The following SLC24A4 variants were observed in gnomAD, a reference collection of about 807,000 sequenced individuals.
The protein encoded by SLC24A4 is sodium/potassium/calcium exchanger 4.
Under a neutral mutation model 79.0 loss-of-function variants are expected in SLC24A4, and 53 were observed. The observed-to-expected ratio is 0.67, with a 90% CI of 0.54 to 0.84. The LOEUF (loss-of-function observed/expected upper bound fraction) is 0.84, where lower values mean the gene tolerates loss of function less well. Ranked by LOEUF, SLC24A4 falls within the 40% of genes least tolerant of loss-of-function variation. The probability of loss-of-function intolerance (pLI) is 0.00; values close to 1 mark genes in which losing one functional copy is unlikely to be tolerated. For missense variants in SLC24A4, 731 were observed against 822.0 expected (o/e 0.89, Z 1.35); for synonymous variants, 323 against 323.8 (o/e 1.00, Z 0.03).
intron 2 of SLC24A4, among the ~76,000 whole-genome samples, chr14:92,340,193 A>G (rs922122747): frequency 6.6e-6 from 1 of 152,236 alleles, no homozygotes; most frequent in Non-Finnish European, 1.5e-5. Flanking sequence ...CAAAGTATGC[A>G]CCCAGCAGGC....
At chr14:92,449,844 C>T (rs907078477) in intron 10 of SLC24A4, among the ~76,000 whole-genome samples, 1 of 152,210 alleles carries the variant, frequency 6.6e-6, no homozygotes, top group Non-Finnish European at 1.5e-5. Context: ...CCCCCTTGTC[C>T]GGGAACTGGG....
rs759753489 is a variant in SLC24A4 at position 92,449,109 on chromosome 14, A to C, written c.773A>C (p.Lys258Thr). Residue 258 changes from lysine (K) to threonine (T), a missense_variant, in exon 10 of 17, where the codon AAA becomes ACA. Coordinates refer to ENST00000532405, the MANE Select transcript of SLC24A4 (RefSeq NM_153646.4). Reference protein sequence around the residue: ...NVKMQAFFTVKQKSIANGNPV... With the variant: ...NVKMQAFFTVTQKSIANGNPV... ...AAGATGCAAGCCTTTTTCACAGTCAAACAAAAGAGCATTGCAAACGGTAAC... is the reference window on the plus strand; with the variant it reads ...AAGATGCAAGCCTTTTTCACAGTCACACAAAAGAGCATTGCAAACGGTAAC... 5.6e-6 allele frequency: 9 copies of C among 1,614,190 alleles called. No homozygotes were observed. The South Asian group carries it at 8.8e-5, about 16-fold the overall frequency.
chr14:92,370,068 T>C (rs1254960948), intron 2 of SLC24A4, among the ~76,000 whole-genome samples: 1 of 152,236 alleles, frequency 6.6e-6, no homozygotes, highest in African/African-American at 2.4e-5. Context: ...AGGGTATTCA[T>C]TGTATTCTTT....
At chr14:92,401,736 C>T (rs1311078399) in intron 2 of SLC24A4, among the ~76,000 whole-genome samples, 1 of 152,176 alleles carries the variant, frequency 6.6e-6, no homozygotes, top group Non-Finnish European at 1.5e-5. Flanking sequence ...ACATGAGTTG[C>T]TGCTGTTTCC....
intron 2 of SLC24A4, among the ~76,000 whole-genome samples, chr14:92,362,201 T>C (rs1338253360): frequency 2.9e-5 from 3 of 102,040 alleles, no homozygotes; most frequent in Admixed American, 1.2e-4. Context: ...CTTGCTGACC[T>C]CAGGGGCCTC....
At chr14:92,380,377 C>G (rs1260223688) in intron 2 of SLC24A4, among the ~76,000 whole-genome samples, 1 of 152,148 alleles carries the variant, frequency 6.6e-6, no homozygotes, top group Admixed American at 6.5e-5. Flanking sequence ...GGGGCTGGCA[C>G]GTGGCCGCAT....
At chr14:92,484,152 T>TC in intron 13 of SLC24A4, 1 of 984,914 alleles carries the variant, frequency 1.0e-6, no homozygotes, top group African/African-American at 1.7e-5. Flanking sequence ...GTCTCTTCCC[T>TC]CCCCCCAACC....
At chr14:92,395,388 A>G (rs1296896055) in intron 2 of SLC24A4, among the ~76,000 whole-genome samples, 1 of 151,576 alleles carries the variant, frequency 6.6e-6, no homozygotes, top group Non-Finnish European at 1.5e-5. Flanking sequence ...AGCCTTAAGG[A>G]GCCTCCTTAC....
chr14:92,343,653 TTTCCTTCCTTCCTTCC>T (rs34220155), intron 2 of SLC24A4, among the ~76,000 whole-genome samples: 73 of 34,244 alleles, frequency 2.1e-3, no homozygotes, highest in African/African-American at 4.8e-3. Flanking sequence ...TCTTTCCTTC[TTTCCTTCCTTCCTTCC>T]TTCCTTCCTT....
At chr14:92,445,652 A>G (rs1892758619) in intron 8 of SLC24A4, among the ~76,000 whole-genome samples, 1 of 152,318 alleles carries the variant, frequency 6.6e-6, no homozygotes, top group South Asian at 2.1e-4. Flanking sequence ...TAATGGGCCT[A>G]TTTCTGGAAT....
chr14:92,408,115 T>G (rs1305098864), intron 2 of SLC24A4, among the ~76,000 whole-genome samples: 1 of 149,046 alleles, frequency 6.7e-6, no homozygotes, highest in Non-Finnish European at 1.5e-5. Flanking sequence ...CTGAAAGTGC[T>G]GAATTGTCAT....
rs1895988426 is a variant in SLC24A4, at chr14:92,497,969, A to G, written c.*4341A>G. 1 of 152,226 alleles carries G rather than the reference A, an allele frequency of 6.6e-6. No homozygotes were observed. Among genetic ancestry groups the G allele is most frequent in the Non-Finnish European group, 1.5e-5 (1 of 68,058 alleles). 9.4% of individuals were successfully genotyped at this position (152,226 alleles called of 1,614,324 possible). ...ATTCATGGTCTCTCTAATGCCCTCA[A>G]GACGTGATTTCCATGGGAACCATCC... On this transcript the variant is annotated 3_prime_UTR_variant, in exon 17 of 17. Coordinates refer to ENST00000532405, the MANE Select transcript of SLC24A4 (RefSeq NM_153646.4).
chr14:92,342,477 G>A (rs1256524289), intron 2 of SLC24A4, among the ~76,000 whole-genome samples: 2 of 151,790 alleles, frequency 1.3e-5, no homozygotes, highest in African/African-American at 2.4e-5. Context: ...TCTGCCTCCC[G>A]GGTTCAAGTG....
At chr14:92,461,391 A>C (rs996374617) in intron 12 of SLC24A4, among the ~76,000 whole-genome samples, 1 of 152,192 alleles carries the variant, frequency 6.6e-6, no homozygotes, top group African/African-American at 2.4e-5. Context: ...GTCCTAACAG[A>C]ATGTCACCGA....
In SLC24A4 at chr14:92,493,598, C is replaced by A; in HGVS notation, c.1839C>A (p.Val613=). The change falls in exon 17 of 17, where the codon GTC becomes GTA. Residue 613 remains valine (V), a synonymous_variant. Transcript: ENST00000532405. Reference sequence around the variant, plus strand: ...TAGAGTTTAACGTCTTTACCTTCGTCAACTTGCCGATGTGCCGGGAAGACG... The same window carrying A: ...TAGAGTTTAACGTCTTTACCTTCGTAAACTTGCCGATGTGCCGGGAAGACG... The part of the protein sequence containing the change: ...IMIEFNVFTF[V]NLPMCREDD 6.2e-7 allele frequency: 1 copy of A among 1,614,216 alleles called. No homozygotes were observed. The highest frequency in any genetic ancestry group is 8.5e-7 in the Non-Finnish European group (1 of 1,180,032).
At chr14:92,356,842 C>T (rs1887209233) in intron 2 of SLC24A4, among the ~76,000 whole-genome samples, 1 of 152,232 alleles carries the variant, frequency 6.6e-6, no homozygotes, top group South Asian at 2.1e-4. Flanking sequence ...CATGTGACAG[C>T]TTCCTGTCCC....
Position 92,424,499 on chromosome 14 carries a change from C to T in SLC24A4, c.242-9413C>T, listed in dbSNP as rs118125200. Among the ~76,000 whole-genome samples the T allele has an allele frequency of 7.2e-5, 11 of 152,212 alleles. No individual in the cohort carries two copies. In the East Asian group the frequency reaches 2.1e-3, roughly 29 times the overall value. On this transcript the variant is annotated intron_variant, in intron 2 of 16. Coordinates refer to ENST00000532405, the MANE Select transcript of SLC24A4 (RefSeq NM_153646.4). ...ACTGATGGCAGAAGGTGAAAGGGAG[C>T]CAACCTGTGCAGAGATCACATGGTG...
rs2141754342 is a variant in SLC24A4, at chr14:92,397,796, A to G, written c.242-36116A>G. On this transcript the variant is annotated intron_variant, in intron 2 of 16. Coordinates refer to ENST00000532405, the MANE Select transcript of SLC24A4 (RefSeq NM_153646.4). Reference sequence around the variant, plus strand: ...CTGCAAGTTGAGAATTAATAAAAGTAAAGTAAGAGCCCACCTGGCAGAGGG... The same window carrying G: ...CTGCAAGTTGAGAATTAATAAAAGTGAAGTAAGAGCCCACCTGGCAGAGGG... Among the ~76,000 whole-genome samples, 2 of 152,364 alleles carry G rather than the reference A, an allele frequency of 1.3e-5. 1 individual carries two copies. The highest frequency in any genetic ancestry group is 4.1e-4 in the South Asian group (2 of 4,832).
At chr14:92,439,279 T>C in intron 3 of SLC24A4, 56 bp from the exon 4 acceptor site, 1 of 1,484,850 alleles carries the variant, frequency 6.7e-7, no homozygotes, top group Non-Finnish European at 9.4e-7. Flanking sequence ...GGTGGGCCCT[T>C]TGCAGCTGCA....
Sources: allele counts gnomAD v4.1 joint callset (sites outside exome capture counted in the v4.1 genomes callset), GRCh38; gene constraint gnomAD v4.1.1; transcripts MANE v1.5; gene names NCBI Gene and HGNC (gene_info 2026-07-23, HGNC 2026-07-21).